The following IGSF11 variants were observed in gnomAD, a reference collection of about 807,000 sequenced individuals.
IGSF11 encodes immunoglobulin superfamily member 11.
Under a neutral mutation model 41.0 loss-of-function variants are expected in IGSF11, and 22 were observed. That is an observed-to-expected ratio of 0.54 (90% confidence interval 0.38 to 0.77). The LOEUF (loss-of-function observed/expected upper bound fraction) is 0.77, where lower values mean the gene tolerates loss of function less well. Among genes scored for constraint, IGSF11 ranks in the 30% least tolerant of loss-of-function variants. The probability of loss-of-function intolerance (pLI) is 0.00; values close to 1 mark genes in which losing one functional copy is unlikely to be tolerated. For missense variants in IGSF11, 444 were observed against 530.8 expected, an observed-to-expected ratio of 0.84 and a Z score of 1.61; for synonymous variants, 219 against 201.3, an observed-to-expected ratio of 1.09 and a Z score of -0.74.
chr3:119,082,681 G>A (rs754861553), intron 1 of IGSF11, among the ~76,000 whole-genome samples: 1 of 152,254 alleles, frequency 6.6e-6, no homozygotes, highest in East Asian at 1.9e-4. Flanking sequence ...TAATGTCACT[G>A]TAAGTTTCAT....
intron 1 of IGSF11, among the ~76,000 whole-genome samples, chr3:119,090,137 C>T (rs552438487): frequency 1.3e-5 from 2 of 152,204 alleles, no homozygotes; most frequent in East Asian, 3.9e-4. Flanking sequence ...AACACAATCC[C>T]ATTTATAATA....
intron 1 of IGSF11, among the ~76,000 whole-genome samples, chr3:119,098,663 G>T (rs913682667): frequency 7.9e-5 from 12 of 152,202 alleles, no homozygotes; most frequent in Non-Finnish European, 1.8e-4. Flanking sequence ...CTACGGATTA[G>T]TTTCCACTTG....
At chr3:119,129,418 A>C (rs1405627990) in intron 1 of IGSF11, among the ~76,000 whole-genome samples, 1 of 152,230 alleles carries the variant, frequency 6.6e-6, no homozygotes, top group Non-Finnish European at 1.5e-5. Flanking sequence ...ATGTAGAAAG[A>C]CTAAAAGATG....
chr3:118,996,942 A>G (rs1020003544), intron 1 of IGSF11, among the ~76,000 whole-genome samples: 2 of 152,178 alleles, frequency 1.3e-5, no homozygotes, highest in Admixed American at 1.3e-4. Flanking sequence ...CTCAGTGCCT[A>G]ATACACTGTA....
At chr3:118,990,736 G>C (rs939091305) in intron 1 of IGSF11, among the ~76,000 whole-genome samples, 2 of 152,142 alleles carry the variant, frequency 1.3e-5, no homozygotes, top group African/African-American at 4.8e-5. Flanking sequence ...TGGGCAACTT[G>C]AGGGTCTCCA....
intron 1 of IGSF11, among the ~76,000 whole-genome samples, chr3:118,961,686 G>C (rs1945344531): frequency 6.6e-6 from 1 of 152,116 alleles, no homozygotes; most frequent in Admixed American, 6.5e-5. Context: ...TAAGGGTATG[G>C]GAGTGAGTTC....
upstream of IGSF11, among the ~76,000 whole-genome samples, chr3:119,035,686 C>T (rs1024138374): frequency 6.6e-6 from 1 of 152,182 alleles, no homozygotes; most frequent in African/African-American, 2.4e-5. Flanking sequence ...AATTGTTTTA[C>T]TTAAATATCT....
intron 1 of IGSF11, among the ~76,000 whole-genome samples, chr3:119,135,110 T>C: frequency 6.6e-6 from 1 of 152,274 alleles, no homozygotes; most frequent in Admixed American, 6.5e-5. Flanking sequence ...ATAAAAACCC[T>C]AGAAGAAAAC....
intron 1 of IGSF11, among the ~76,000 whole-genome samples, chr3:118,964,972 C>T (rs906232555): frequency 6.6e-6 from 1 of 152,080 alleles, no homozygotes; most frequent in Non-Finnish European, 1.5e-5. Flanking sequence ...ATAACTTCCA[C>T]GTACTTTATG....
rs771479057 is a variant in IGSF11 at position 119,034,568 on chromosome 3, A to G, written c.15T>C (p.Arg5=). The change falls in exon 1 of 7, where the codon CGT becomes CGC. Residue 5 remains arginine (R), a synonymous_variant. Coordinates refer to ENST00000393775, the MANE Select transcript of IGSF11 (RefSeq NM_001015887.3). MTSQ[R]SPLAPLLLLS... is the part of the protein sequence containing the mutation. The stretch of plus-strand genomic sequence containing the variant: ...GGAGCAGCAAAGGCGCCAGAGGGGA[A>G]CGCTGAGAAGTCATCCCGGGGCCGC... 3.8e-6 allele frequency: 6 copies of G among 1,592,442 alleles called. No homozygotes were observed. In the Admixed American group the frequency reaches 6.9e-5, roughly 18 times the overall value.
chr3:118,979,596 A>G (rs1409874422), intron 1 of IGSF11, among the ~76,000 whole-genome samples: 4 of 152,222 alleles, frequency 2.6e-5, no homozygotes, highest in Non-Finnish European at 5.9e-5. Context: ...AATTTACGGA[A>G]AACTCTTCAG....
At chr3:118,917,003 G>A (rs555187608) in intron 4 of IGSF11, among the ~76,000 whole-genome samples, 2 of 152,148 alleles carry the variant, frequency 1.3e-5, no homozygotes, top group African/African-American at 4.8e-5. Flanking sequence ...GCTCCTGGAT[G>A]ACTACTGGGT....
chr3:119,047,068 C>T (rs1359104975), intron 1 of IGSF11, among the ~76,000 whole-genome samples: 2 of 148,378 alleles, frequency 1.3e-5, no homozygotes, highest in Non-Finnish European at 1.5e-5. Context: ...ACCATCGAGA[C>T]TAGGAAGAAA....
At chr3:119,047,596 A>G (rs920737812) in intron 1 of IGSF11, among the ~76,000 whole-genome samples, 1 of 152,192 alleles carries the variant, frequency 6.6e-6, no homozygotes, top group Non-Finnish European at 1.5e-5. Flanking sequence ...AATGAGACAG[A>G]AAGTCAACAA....
chr3:119,119,555 T>C (rs945277350), intron 1 of IGSF11, among the ~76,000 whole-genome samples: 1 of 152,168 alleles, frequency 6.6e-6, no homozygotes, highest in Non-Finnish European at 1.5e-5. Context: ...TATTTTAAAC[T>C]TGGGTCTATT....
intron 1 of IGSF11, among the ~76,000 whole-genome samples, chr3:119,121,993 G>A (rs776579100): frequency 6.6e-6 from 1 of 152,244 alleles, no homozygotes; most frequent in Non-Finnish European, 1.5e-5. Context: ...GCGAGGTGAA[G>A]CAAGATGGTG....
chr3:118,920,196 C>T (rs1380935212), intron 4 of IGSF11, among the ~76,000 whole-genome samples: 3 of 148,978 alleles, frequency 2.0e-5, no homozygotes, highest in East Asian at 2.0e-4. Context: ...ACCAGCATGG[C>T]ACATGTATAC....
chr3:119,024,303 T>C (rs1448616763), intron 1 of IGSF11, among the ~76,000 whole-genome samples: 1 of 152,206 alleles, frequency 6.6e-6, no homozygotes, highest in Non-Finnish European at 1.5e-5. Flanking sequence ...AAATGAATCA[T>C]GTTTAAATTT....
chr3:119,089,517 A>G (rs1279520018), intron 1 of IGSF11, among the ~76,000 whole-genome samples: 2 of 152,204 alleles, frequency 1.3e-5, no homozygotes, highest in Admixed American at 1.3e-4. Context: ...TAGAATTGGA[A>G]CAAGACGAGG....
Sources: allele counts gnomAD v4.1 joint callset (sites outside exome capture counted in the v4.1 genomes callset), GRCh38; gene constraint gnomAD v4.1.1; transcripts MANE v1.5; gene names NCBI Gene and HGNC (gene_info 2026-07-23, HGNC 2026-07-21).